TEK: variants seen among roughly 807,000 people sequenced by gnomAD.
TEK encodes angiopoietin-1 receptor.
TEK carries 43 observed loss-of-function variants against 131.8 expected under a neutral mutation model. That is an observed-to-expected ratio of 0.33 (90% CI 0.26 to 0.42). The LOEUF (loss-of-function observed/expected upper bound fraction) is 0.42, where lower values mean the gene tolerates loss of function less well. TEK is among the 10% of genes least tolerant of loss of function. TEK has a pLI of 1.00. For synonymous variants in TEK, 580 were observed against 491.6 expected (o/e 1.18, Z -2.38); for missense variants, 1,162 against 1,384.4 (o/e 0.84, Z 2.55).
intron 12 of TEK, among the ~76,000 whole-genome samples, chr9:27,201,396 C>A (rs935864191): frequency 1.3e-5 from 2 of 152,180 alleles, no homozygotes; most frequent in African/African-American, 4.8e-5. Flanking sequence ...CACAACTATA[C>A]AAATATTAAC....
At chr9:27,197,054 A>AGG (rs1825053050) in intron 11 of TEK, among the ~76,000 whole-genome samples, 1 of 143,058 alleles carries the variant, frequency 7.0e-6, no homozygotes, top group Non-Finnish European at 1.5e-5. Flanking sequence ...GGAAACAGGA[A>AGG]GGGGAACATC....
intron 1 of TEK, among the ~76,000 whole-genome samples, chr9:27,155,674 G>A (rs779798101): frequency 2.0e-5 from 3 of 152,134 alleles, no homozygotes; most frequent in Non-Finnish European, 4.4e-5. Context: ...AGCCTTAAAC[G>A]CTCAGCAGTC....
intron 21 of TEK, among the ~76,000 whole-genome samples, chr9:27,224,858 C>T (rs1826250426): frequency 6.6e-6 from 1 of 152,130 alleles, no homozygotes; most frequent in Non-Finnish European, 1.5e-5. Flanking sequence ...CTAGAAAACC[C>T]CATTGTCTCA....
At chr9:27,194,061 CCT>C (rs1474907121) in intron 11 of TEK, among the ~76,000 whole-genome samples, 1 of 152,138 alleles carries the variant, frequency 6.6e-6, no homozygotes, top group Non-Finnish European at 1.5e-5. Context: ...CCAGCCTTGG[CCT>C]CTCAAAGTGT....
Position 27,190,616 on chromosome 9 carries a change from G to C in TEK, c.1415G>C (p.Gly472Ala), listed in dbSNP as rs1431625003. The C allele has an allele frequency of 6.2e-7, 1 of 1,613,836 alleles. No homozygotes were observed. The part of the protein sequence containing the change: ...VINISSEPYF[G>A]DGPIKSKKLL... Reference sequence around the variant, plus strand: ...AACATCAGCTCTGAGCCTTACTTTGGGGATGGACCAATCAAATCCAAGAAG... The same window carrying C: ...AACATCAGCTCTGAGCCTTACTTTGCGGATGGACCAATCAAATCCAAGAAG... Residue 472 changes from glycine (G) to alanine (A), a missense_variant, in exon 10 of 23, where the codon GGG becomes GCG. This residue lies in a region of TEK where 477 missense variants were observed against 471.0 expected (regional missense o/e 1.01). Coordinates refer to ENST00000380036, the MANE Select transcript of TEK (RefSeq NM_000459.5).
chr9:27,181,456 G>T (rs986604412), intron 7 of TEK, among the ~76,000 whole-genome samples: 3 of 152,144 alleles, frequency 2.0e-5, no homozygotes, highest in African/African-American at 7.2e-5. Context: ...TCTGTAGATT[G>T]CCTGTTCTTG....
At chr9:27,159,254 A>G (rs1564067100) in intron 2 of TEK, among the ~76,000 whole-genome samples, 1 of 151,986 alleles carries the variant, frequency 6.6e-6, no homozygotes, top group Non-Finnish European at 1.5e-5. Context: ...ATGTGTTTCT[A>G]TTTTTTTGTA....
chr9:27,180,217 T>A, intron 6 of TEK, 23 bp from the exon 7 acceptor site: 2 of 1,613,272 alleles, frequency 1.2e-6, no homozygotes, highest in East Asian at 4.5e-5. Context: ...TTAATACTGG[T>A]TTTTTGATGT....
chr9:27,157,831 G>A lies in TEK; in HGVS notation c.53G>A (p.Gly18Glu). 1.2e-6 allele frequency: 2 copies of A among 1,613,980 alleles called. No individual in the cohort carries two copies. Among genetic ancestry groups the A allele is most frequent in the African/African-American group, 1.3e-5 (1 of 74,954 alleles). ...VLCGVSLLLS[G>E]TVEGAMDLIL... ...CATTATTGTCTCTCTTTCCTTTTAG[G>A]AACTGTGGAAGGTGCCATGGACTTG... is the stretch of plus-strand genomic sequence containing the variant. Residue 18 changes from glycine to glutamate, a missense_variant and splice_region_variant, in exon 2 of 23, where the codon GGA (glycine) becomes GAA (glutamate). Physicochemically the swap from Gly to Glu is moderately conservative, Grantham distance 98. Around this residue, in one of 6 missense-constraint regions of TEK, gnomAD observed 436 missense variants for 539.1 expected, o/e 0.81. Transcript: ENST00000380036.
At chr9:27,189,859 G>GAT (rs924339908) in intron 9 of TEK, among the ~76,000 whole-genome samples, 4 of 151,428 alleles carry the variant, frequency 2.6e-5, no homozygotes, top group East Asian at 1.9e-4. Context: ...GAAAGAGAGA[G>GAT]ATATATATAT....
intron 1 of TEK, among the ~76,000 whole-genome samples, chr9:27,111,857 T>C (rs898209584): frequency 6.6e-6 from 1 of 151,780 alleles, no homozygotes; most frequent in African/African-American, 2.4e-5. Context: ...ATAGGAAGTC[T>C]CTAGTCTCAT....
At chr9:27,142,890 C>T (rs12551877) in intron 1 of TEK, among the ~76,000 whole-genome samples, 27,460 of 152,120 alleles carry the variant, frequency 0.18, 2,986 homozygotes, top group Admixed American at 0.24. Flanking sequence ...AAACAATGCA[C>T]GTTAAAGTAA....
chr9:27,221,835 C>T (rs559788754), intron 21 of TEK, among the ~76,000 whole-genome samples: 7 of 152,298 alleles, frequency 4.6e-5, no homozygotes, highest in African/African-American at 9.6e-5. Flanking sequence ...TGCCTCTCCT[C>T]CTCCAAAGGA....
rs1823390352 is a variant in TEK at position 27,157,813 on chromosome 9, G to A, written c.53-18G>A. ...TTAATAACCTTAGTCATACATTATTGTCTCTCTTTCCTTTTAGGAACTGTG... is the reference window on the plus strand; with the variant it reads ...TTAATAACCTTAGTCATACATTATTATCTCTCTTTCCTTTTAGGAACTGTG... On this transcript the variant is annotated intron_variant, in intron 1 of 22. Transcript: ENST00000380036. The A allele has an allele frequency of 1.2e-6, 2 of 1,613,802 alleles. No individual in the cohort carries two copies. Among genetic ancestry groups the A allele is most frequent in the Non-Finnish European group, 8.5e-7 (1 of 1,179,826 alleles).
Position 27,185,613 on chromosome 9 carries a change from C to A in TEK, c.1311C>A (p.Phe437Leu). 1 of 1,613,692 alleles carries A rather than the reference C, an allele frequency of 6.2e-7. No individual in the cohort carries two copies. The highest frequency in any genetic ancestry group is 8.5e-7 in the Non-Finnish European group (1 of 1,179,722). The part of the protein sequence containing the change: ...NTVAGMVEKP[F>L]NISVKVLPKP... ...TGGCTGGGATGGTGGAAAAGCCCTT[C>A]AACATTTCTGTTAAAGGTAAGTTCA... Residue 437 changes from phenylalanine to leucine, a missense_variant, in exon 9 of 23, where the codon TTC becomes TTA. This residue lies in a region of TEK where 477 missense variants were observed against 471.0 expected (regional missense o/e 1.01). Transcript: ENST00000380036.
At chr9:27,216,131 T>C (rs1825813385) in intron 18 of TEK, among the ~76,000 whole-genome samples, 1 of 152,152 alleles carries the variant, frequency 6.6e-6, no homozygotes, top group African/African-American at 2.4e-5. Flanking sequence ...GGCCTTGAAT[T>C]CCAGCTAAGG....
intron 21 of TEK, among the ~76,000 whole-genome samples, chr9:27,221,294 C>T (rs1225281836): frequency 3.3e-5 from 5 of 152,210 alleles, no homozygotes; most frequent in Non-Finnish European, 7.3e-5. Flanking sequence ...GATAAAACTC[C>T]CATCTCCATG....
intron 6 of TEK, 116 bp downstream of exon 6, chr9:27,173,478 G>A: frequency 7.9e-7 from 1 of 1,263,756 alleles, no homozygotes; most frequent in South Asian, 1.2e-5. Context: ...ACCCACTACT[G>A]GACAACAGGA....
intron 4 of TEK, 81 bp from the exon 5 acceptor site, chr9:27,172,535 C>G: frequency 6.3e-7 from 1 of 1,581,166 alleles, no homozygotes; most frequent in Non-Finnish European, 8.6e-7. Flanking sequence ...CACTGAATGA[C>G]TGACACACAG....
Sources: allele counts gnomAD v4.1 joint callset (sites outside exome capture counted in the v4.1 genomes callset), GRCh38; gene constraint gnomAD v4.1.1; regional missense constraint gnomAD v4.1.1; transcripts MANE v1.5; gene names NCBI Gene and HGNC (gene_info 2026-07-23, HGNC 2026-07-21).